Variants in TPTE2 observed in about 807,000 individuals in gnomAD.
TPTE2 encodes the protein phosphatidylinositol 3,4,5-trisphosphate 3-phosphatase TPTE2.
TPTE2 carries 53 observed loss-of-function variants against 78.6 expected under a neutral mutation model. The ratio of observed to expected loss-of-function variants is 0.67; its 90% CI spans 0.54 to 0.85. The LOEUF is 0.85. TPTE2 is among the 40% of genes least tolerant of loss of function. The pLI is 0.00. For synonymous variants in TPTE2, 175 were observed against 206.2 expected (o/e 0.85, Z 1.30); for missense variants, 461 against 623.0 (o/e 0.74, Z 2.77).
chr13:19,460,565 T>G (rs1878823349), intron 10 of TPTE2, among the ~76,000 whole-genome samples: 1 of 152,180 alleles, frequency 6.6e-6, no homozygotes, highest in Non-Finnish European at 1.5e-5. Flanking sequence ...AGCCCTTGGT[T>G]TATCACCAGT....
At chr13:19,543,358 G>GT in the TPTE2 span, among the ~76,000 whole-genome samples, 2,283 of 139,800 alleles carry the variant, frequency 0.016, 63 homozygotes, top group African/African-American at 0.056. Flanking sequence ...CAGCCTCTCT[G>GT]TTTTTTTTTT....
In TPTE2 at chr13:19,532,901, C is replaced by A. The variant is rs140558237; in HGVS notation, c.-44+3695G>T. ...GTATTGTACTTGACAATAAGAAGGGCAGAGTGACTTAAAGCAGGAGGAGAA... is the reference window on the plus strand; with the variant it reads ...GTATTGTACTTGACAATAAGAAGGGAAGAGTGACTTAAAGCAGGAGGAGAA... On this transcript the variant is annotated intron_variant, in intron 1 of 17. Transcript: ENST00000390680. Among the ~76,000 whole-genome samples the A allele has an allele frequency of 6.7e-3, 1,022 of 152,232 alleles. 9 individuals are homozygous for A. The highest frequency in any genetic ancestry group is 0.022 in the African/African-American group (904 of 41,532).
the TPTE2 span, among the ~76,000 whole-genome samples, chr13:19,559,426 C>G: frequency 0.13 from 19,840 of 151,836 alleles, 1,457 homozygotes; most frequent in Middle Eastern, 0.23. Flanking sequence ...TTCTGCAGGG[C>G]ATAGAGGCAG....
intron 1 of TPTE2, among the ~76,000 whole-genome samples, chr13:19,501,513 C>T (rs1874614023): frequency 7.0e-6 from 1 of 143,798 alleles, no homozygotes; most frequent in African/African-American, 2.6e-5. Context: ...CTACAACTAT[C>T]TGATCTTTGA....
chr13:19,560,526 C>T, the TPTE2 span: 33 of 1,586,998 alleles, frequency 2.1e-5, 2 homozygotes, highest in South Asian at 3.7e-4. Context: ...GGTCAGACAG[C>T]GACAGCGATG....
At chr13:19,520,931 C>T (rs1870108332) in intron 1 of TPTE2, among the ~76,000 whole-genome samples, 2 of 151,876 alleles carry the variant, frequency 1.3e-5, no homozygotes, top group African/African-American at 4.8e-5. Flanking sequence ...CTATTCTAAC[C>T]TCATTTTATT....
At chr13:19,507,732 C>A (rs1869167305), upstream of TPTE2, among the ~76,000 whole-genome samples, 2 of 152,196 alleles carry the variant, frequency 1.3e-5, no homozygotes, top group South Asian at 4.1e-4. Context: ...TCAATTACAG[C>A]AGCTGAGCTT....
chr13:19,545,669 A>G, the TPTE2 span, among the ~76,000 whole-genome samples: 3 of 152,168 alleles, frequency 2.0e-5, no homozygotes, highest in East Asian at 1.9e-4. Flanking sequence ...TTTCTTCCCA[A>G]TTCCTCTCAA....
At chr13:19,532,298 C>A (rs1870932843) in intron 1 of TPTE2, among the ~76,000 whole-genome samples, 1 of 152,078 alleles carries the variant, frequency 6.6e-6, no homozygotes, top group East Asian at 1.9e-4. Context: ...AGAGGTGGGG[C>A]CTTTAAAAGG....
At chr13:19,546,665 T>C in the TPTE2 span, among the ~76,000 whole-genome samples, 2 of 151,908 alleles carry the variant, frequency 1.3e-5, no homozygotes, top group African/African-American at 4.8e-5. Flanking sequence ...AATTTTTGTA[T>C]TTTTAGTAGA....
At chr13:19,450,593 C>A (rs1237658990) in intron 11 of TPTE2, among the ~76,000 whole-genome samples, 14 of 152,110 alleles carry the variant, frequency 9.2e-5, no homozygotes, top group Non-Finnish European at 1.6e-4. Context: ...AACTTTCTAG[C>A]AGCCTATTCA....
the TPTE2 span, among the ~76,000 whole-genome samples, chr13:19,554,576 G>A: frequency 2.0e-5 from 3 of 151,744 alleles, no homozygotes; most frequent in Admixed American, 6.6e-5. Context: ...AAATAAGCTT[G>A]TAGTTACACT....
intron 13 of TPTE2, among the ~76,000 whole-genome samples, chr13:19,441,349 C>T (rs1295691232): frequency 6.6e-6 from 1 of 152,006 alleles, no homozygotes; most frequent in Non-Finnish European, 1.5e-5. Context: ...CGATCACTCA[C>T]ACCCCAAACC....
At chr13:19,533,681 C>A (rs1181881506) in intron 1 of TPTE2, among the ~76,000 whole-genome samples, 3 of 152,062 alleles carry the variant, frequency 2.0e-5, no homozygotes, top group Non-Finnish European at 4.4e-5. Context: ...GAAATTATAC[C>A]CATCATTTAT....
intron 16 of TPTE2, among the ~76,000 whole-genome samples, chr13:19,430,781 T>C (rs1279261364): frequency 1.3e-5 from 2 of 152,180 alleles, no homozygotes; most frequent in East Asian, 1.9e-4. Context: ...ATACATATAG[T>C]TCAGCTTCCA....
At chr13:19,523,643 G>C (rs142995733) in intron 1 of TPTE2, among the ~76,000 whole-genome samples, 3,851 of 151,846 alleles carry the variant, frequency 0.025, 127 homozygotes, top group African/African-American at 0.075. Flanking sequence ...GCCCAGCTAA[G>C]TTTTGTATTT....
intron 1 of TPTE2, among the ~76,000 whole-genome samples, chr13:19,519,636 C>T (rs1384826797): frequency 6.6e-6 from 1 of 152,170 alleles, no homozygotes; most frequent in African/African-American, 2.4e-5. Flanking sequence ...CATTGATCTA[C>T]ATATCTATCC....
chr13:19,503,338 G>C (rs770558353), upstream of TPTE2: 5 of 1,556,776 alleles, frequency 3.2e-6, no homozygotes, highest in African/African-American at 1.4e-5. Context: ...TACTTTTCTC[G>C]TAAAACTAGC....
chr13:19,467,164 G>C, intron 7 of TPTE2, 61 bp downstream of exon 10: 1 of 1,454,132 alleles, frequency 6.9e-7, no homozygotes, highest in Non-Finnish European at 9.3e-7. Flanking sequence ...TAGAATAAAA[G>C]CCACAGAAAA....
Sources: allele counts gnomAD v4.1 joint callset (sites outside exome capture counted in the v4.1 genomes callset), GRCh38; gene constraint gnomAD v4.1.1; transcripts MANE v1.5; gene names NCBI Gene and HGNC (gene_info 2026-07-23, HGNC 2026-07-21).